NEXMIF: variants seen among roughly 807,000 people sequenced by gnomAD.
NEXMIF encodes XLMR protein related to neurite extension.
In NEXMIF, 8 loss-of-function variants were observed where a neutral mutation model predicts 62.1. The ratio of observed to expected loss-of-function variants is 0.13; its 90% CI spans 0.08 to 0.23. The LOEUF (loss-of-function observed/expected upper bound fraction) is 0.23. Among genes scored for constraint, NEXMIF ranks in the 10% least tolerant of loss-of-function variants. The pLI is 1.00. For synonymous variants in NEXMIF, 404 were observed against 416.6 expected, an observed-to-expected ratio of 0.97 and a Z score of 0.37; for missense variants, 976 against 1,113.3, an observed-to-expected ratio of 0.88 and a Z score of 1.75.
intron 1 of NEXMIF, among the ~76,000 whole-genome samples, chrX:74,775,078 C>T (rs1297227840): frequency 9.0e-6 from 1 of 111,614 alleles, no homozygotes; most frequent in African/African-American, 3.3e-5. Context: ...TCCTGACCCA[C>T]GTTGTTTTTT....
chrX:74,860,456 T>C lies in NEXMIF; in HGVS notation c.-48+64427A>G, dbSNP rs889983946. ...TCATCCAATGGCTGCAGAATATATA[T>C]TCTTTTCTTCAGCACATGAATATCA... On this transcript the variant is annotated intron_variant, in intron 1 of 3. Transcript: ENST00000055682. 5.3e-5 allele frequency among the ~76,000 whole-genome samples: 6 copies of C among 112,306 alleles called. 1 individual carries two copies. The South Asian group carries it at 2.2e-3, about 41-fold the overall frequency.
intron 1 of NEXMIF, among the ~76,000 whole-genome samples, chrX:74,862,178 G>C (rs2085692362): frequency 9.0e-6 from 1 of 110,901 alleles, no homozygotes; most frequent in African/African-American, 3.3e-5. Flanking sequence ...AGAAAAGACA[G>C]GAGTGACAAT....
At chrX:74,876,709 C>T (rs1293113323) in intron 1 of NEXMIF, among the ~76,000 whole-genome samples, 3 of 101,863 alleles carry the variant, frequency 2.9e-5, no homozygotes, top group African/African-American at 1.1e-4. Flanking sequence ...GGATAGTTAG[C>T]TCTTCTTGTT....
At chrX:74,862,680 AACTC>A (rs2080562275) in intron 1 of NEXMIF, among the ~76,000 whole-genome samples, 1 of 111,909 alleles carries the variant, frequency 8.9e-6, no homozygotes, top group African/African-American at 3.2e-5. Context: ...AAGATTAAGA[AACTC>A]ACTCAAAGTC....
rs184727221 is a variant in NEXMIF at position 74,747,069 on chromosome X, C to T, written c.-47-1372G>A. ...TGGATAGCTGCCTCTGCTTCAAAGA[C>T]GACCCTATAAATCAGATGGAATCAT... is the stretch of plus-strand genomic sequence containing the variant. On this transcript the variant is annotated intron_variant, in intron 1 of 3. Transcript: ENST00000055682. Among the ~76,000 whole-genome samples, 6 of 111,745 alleles carry T rather than the reference C, an allele frequency of 5.4e-5. No individual in the cohort carries two copies. The East Asian group carries it at 1.4e-3, about 26-fold the overall frequency.
chrX:74,898,765 T>G (rs953957147), intron 1 of NEXMIF, among the ~76,000 whole-genome samples: 4 of 111,446 alleles, frequency 3.6e-5, no homozygotes, highest in Non-Finnish European at 7.5e-5. Context: ...CTGTTATAAC[T>G]AATAACAAAT....
intron 1 of NEXMIF, among the ~76,000 whole-genome samples, chrX:74,872,344 G>A (rs1380575096): frequency 1.9e-5 from 2 of 107,471 alleles, no homozygotes; most frequent in Non-Finnish European, 1.9e-5. Context: ...AACTTCACAT[G>A]CTGTCACTTA....
intron 1 of NEXMIF, among the ~76,000 whole-genome samples, chrX:74,846,749 C>A (rs1283058922): frequency 1.8e-5 from 2 of 112,013 alleles, no homozygotes; most frequent in East Asian, 5.6e-4. Context: ...TTACTATGTT[C>A]TATGTGCTAT....
In NEXMIF at chrX:74,743,182, A is replaced by G. The variant is rs1428324593; in HGVS notation, c.1375T>C (p.Cys459Arg). The change falls in exon 3 of 4, where the codon TGT (cysteine) becomes CGT (arginine). Residue 459 changes from cysteine to arginine, a missense_variant. Transcript: ENST00000055682. Reference protein sequence around the residue: ...SYDAMGEIKDCSRYMARDTNS... With the variant: ...SYDAMGEIKDRSRYMARDTNS... Reference sequence around the variant, plus strand: ...GTGTCCCGAGCCATATAGCGACTACAGTCCTTGATCTCACCCATAGCATCA... The same window carrying G: ...GTGTCCCGAGCCATATAGCGACTACGGTCCTTGATCTCACCCATAGCATCA... 2.5e-6 allele frequency: 3 copies of G among 1,210,961 alleles called. No homozygotes were observed. The highest frequency in any genetic ancestry group is 2.2e-5 in the Admixed American group (1 of 45,954).
chrX:74,887,519 T>G (rs1340730808), intron 1 of NEXMIF, among the ~76,000 whole-genome samples: 1 of 112,139 alleles, frequency 8.9e-6, no homozygotes, highest in African/African-American at 3.2e-5. Context: ...AAGAAGACAT[T>G]TATTCAGCCA....
At chrX:74,922,745 C>T (rs902749382) in intron 1 of NEXMIF, among the ~76,000 whole-genome samples, 2 of 111,197 alleles carry the variant, frequency 1.8e-5, no homozygotes, top group Non-Finnish European at 3.8e-5. Context: ...ATTTTTATGT[C>T]ATGGTATTTT....
At position 74,736,672 on chromosome X, in the gene NEXMIF, A is replaced by G. The variant is rs1020655759; in HGVS notation, c.*2733T>C. On this transcript the variant is annotated 3_prime_UTR_variant, in exon 4 of 4. Coordinates refer to ENST00000055682, the MANE Select transcript of NEXMIF (RefSeq NM_001008537.3). ...CAGAACACAATGTACTGAGAGGAAT[A>G]TTAAATGCAATTAAGAGAATAAACA... The G allele has an allele frequency of 8.9e-6, 1 of 112,037 alleles. No homozygotes were observed. The highest frequency in any genetic ancestry group is 3.3e-5 in the African/African-American group (1 of 30,766). The allele number at this position is 112,037 out of a possible 1,213,427, so 9.2% of individuals were successfully genotyped here.
In NEXMIF at chrX:74,740,615, C is replaced by T; in HGVS notation, c.3942G>A (p.Gln1314=). The change falls in exon 3 of 4, where the codon CAG becomes CAA. Residue 1314 remains glutamine, a synonymous_variant. Transcript: ENST00000055682. ...TGTTGGACAAGATATAGGAAGGCTC[C>T]TGAAATTCCCGTTGGTCATCATCCA... The part of the protein sequence containing the change: ...SLLDDDQREF[Q]EPSYILSNIA... 8.3e-7 allele frequency: 1 copy of T among 1,211,925 alleles called. No homozygotes were observed. The highest frequency in any genetic ancestry group is 1.1e-6 in the Non-Finnish European group (1 of 895,516).
chrX:74,917,394 A>T (rs2080811084), intron 1 of NEXMIF, among the ~76,000 whole-genome samples: 1 of 112,038 alleles, frequency 8.9e-6, no homozygotes, highest in Non-Finnish European at 1.9e-5. Context: ...GAGCCAATTA[A>T]ACCTCTTTTC....
At chrX:74,873,901 C>T (rs1471900208) in intron 1 of NEXMIF, among the ~76,000 whole-genome samples, 2 of 110,963 alleles carry the variant, frequency 1.8e-5, no homozygotes, top group African/African-American at 6.5e-5. Context: ...AGCCCTTTGT[C>T]AGATGAGTAG....
chrX:74,785,252 G>A (rs1275964673), intron 1 of NEXMIF, among the ~76,000 whole-genome samples: 1 of 111,058 alleles, frequency 9.0e-6, no homozygotes, highest in Non-Finnish European at 1.9e-5. Context: ...TCATTATGAG[G>A]ATTACCACCT....
intron 1 of NEXMIF, among the ~76,000 whole-genome samples, chrX:74,846,048 C>T (rs935715535): frequency 8.9e-6 from 1 of 112,345 alleles, no homozygotes; most frequent in Non-Finnish European, 1.9e-5. Context: ...CTATTAGCAT[C>T]CATTGTAATT....
rs149835684 is a variant in NEXMIF, at chrX:74,777,481, A to G, written c.-47-31784T>C. 6.3e-3 allele frequency among the ~76,000 whole-genome samples: 706 copies of G among 111,904 alleles called. 4 individuals carry two copies. The highest frequency in any genetic ancestry group is 0.022 in the African/African-American group (674 of 30,787). On this transcript the variant is annotated intron_variant, in intron 1 of 3. Coordinates refer to ENST00000055682, the MANE Select transcript of NEXMIF (RefSeq NM_001008537.3). ...TTCTCTTCTAGATATTTAAAAATAT[A>G]CAATAAATTACTGTTAAATATAATT...
At chrX:74,768,071 G>T (rs2080199855) in intron 1 of NEXMIF, among the ~76,000 whole-genome samples, 1 of 111,518 alleles carries the variant, frequency 9.0e-6, no homozygotes, top group Non-Finnish European at 1.9e-5. Context: ...CTTACCAGCT[G>T]CTCTGCCAAG....
Sources: allele counts gnomAD v4.1 joint callset (sites outside exome capture counted in the v4.1 genomes callset), GRCh38; gene constraint gnomAD v4.1.1; transcripts MANE v1.5; gene names NCBI Gene and HGNC (gene_info 2026-07-23, HGNC 2026-07-21).